The following SYT9 variants were observed in gnomAD, a reference collection of about 807,000 sequenced individuals.
SYT9 encodes the protein synaptotagmin 9.
Under a neutral mutation model 48.4 loss-of-function variants are expected in SYT9, and 22 were observed. That is an observed-to-expected ratio of 0.45 (90% CI 0.32 to 0.65). SYT9 has a LOEUF of 0.65. Among genes scored for constraint, SYT9 ranks in the 30% least tolerant of loss-of-function variants. The pLI is 0.03. For missense variants in SYT9, 577 were observed against 622.0 expected (o/e 0.93, Z 0.77); for synonymous variants, 265 against 245.0 (o/e 1.08, Z -0.76).
intron 3 of SYT9, among the ~76,000 whole-genome samples, chr11:7,344,061 G>T (rs931906330): frequency 6.6e-6 from 1 of 152,164 alleles, no homozygotes; most frequent in Non-Finnish European, 1.5e-5. Flanking sequence ...TTCAAGATGA[G>T]ATTTGGGTGG....
chr11:7,377,460 C>T (rs4758178), intron 3 of SYT9, among the ~76,000 whole-genome samples: 110,592 of 152,024 alleles, frequency 0.73, 40,978 homozygotes, highest in East Asian at 0.87. Context: ...TCTTCAATGC[C>T]TGTGCTTGGA....
intron 6 of SYT9, chr11:7,441,359 G>GTT (rs1432323690): frequency 4.6e-5 from 7 of 152,180 alleles, no homozygotes; most frequent in African/African-American, 1.7e-4. Context: ...ATGTTTCCTG[G>GTT]AAGTCTTCTT....
chr11:7,281,389 C>G (rs1181098634), intron 1 of SYT9, among the ~76,000 whole-genome samples: 1 of 152,234 alleles, frequency 6.6e-6, no homozygotes, highest in Admixed American at 6.5e-5. Flanking sequence ...AAAGGTACCC[C>G]TCTCATGTTG....
intron 1 of SYT9, among the ~76,000 whole-genome samples, chr11:7,261,786 C>G (rs559834922): frequency 1.3e-5 from 2 of 152,008 alleles, no homozygotes; most frequent in African/African-American, 4.8e-5. Flanking sequence ...AGATATTAGC[C>G]AAGGGTTAGT....
chr11:7,447,952 C>T (rs1847967846), intron 6 of SYT9, among the ~76,000 whole-genome samples: 1 of 152,176 alleles, frequency 6.6e-6, no homozygotes. Context: ...ATTAGGGATC[C>T]TTCATTGACA....
At chr11:7,340,994 T>C (rs1041025173) in intron 3 of SYT9, among the ~76,000 whole-genome samples, 4 of 152,326 alleles carry the variant, frequency 2.6e-5, no homozygotes, top group African/African-American at 9.6e-5. Flanking sequence ...CAGTGAAGGT[T>C]GTGAAACAGC....
intron 2 of SYT9, among the ~76,000 whole-genome samples, chr11:7,310,605 C>T (rs1397850662): frequency 6.6e-6 from 1 of 152,074 alleles, no homozygotes; most frequent in Non-Finnish European, 1.5e-5. Flanking sequence ...TGCCACCACG[C>T]CTGGCTACTT....
intron 3 of SYT9, among the ~76,000 whole-genome samples, chr11:7,350,649 C>T (rs1029348087): frequency 6.6e-6 from 1 of 152,176 alleles, no homozygotes; most frequent in Non-Finnish European, 1.5e-5. Flanking sequence ...AGAGCTCATT[C>T]TCTTTTCTTT....
intron 3 of SYT9, among the ~76,000 whole-genome samples, chr11:7,352,921 A>G (rs1175497598): frequency 6.6e-6 from 1 of 152,184 alleles, no homozygotes; most frequent in African/African-American, 2.4e-5. Context: ...TAGGACTTCT[A>G]TTTATATTTT....
At chr11:7,386,240 G>A (rs4035596) in intron 3 of SYT9, among the ~76,000 whole-genome samples, 105,070 of 151,904 alleles carry the variant, frequency 0.69, 36,820 homozygotes, top group Non-Finnish European at 0.75. Context: ...GGCATGGGCA[G>A]GGACTTCATG....
chr11:7,291,074 C>T (rs1481578079), intron 1 of SYT9, among the ~76,000 whole-genome samples: 1 of 152,114 alleles, frequency 6.6e-6, no homozygotes, highest in Non-Finnish European at 1.5e-5. Flanking sequence ...GGTGACTTAG[C>T]GGGAAGAAAG....
chr11:7,240,234 C>T (rs1847727259), intron 1 of SYT9, among the ~76,000 whole-genome samples: 1 of 152,172 alleles, frequency 6.6e-6, no homozygotes, highest in Non-Finnish European at 1.5e-5. Flanking sequence ...TCCCTACCCT[C>T]ATCTCACCCC....
chr11:7,449,398 G>C (rs188644335), intron 6 of SYT9, among the ~76,000 whole-genome samples: 203 of 151,536 alleles, frequency 1.3e-3, no homozygotes, highest in African/African-American at 4.7e-3. Flanking sequence ...GTGCATAGAT[G>C]CATGGAATGT....
intron 3 of SYT9, among the ~76,000 whole-genome samples, chr11:7,337,396 G>A (rs1413901893): frequency 6.6e-6 from 1 of 151,816 alleles, no homozygotes; most frequent in African/African-American, 2.4e-5. Context: ...GACTACCAAT[G>A]CTATGTTGAA....
intron 3 of SYT9, 62 bp from the exon 4 acceptor site, chr11:7,415,980 G>A: frequency 1.9e-6 from 3 of 1,608,468 alleles, no homozygotes; most frequent in Middle Eastern, 1.7e-4. Flanking sequence ...GCCTGAAGCT[G>A]AGCCTCTTGC....
chr11:7,429,008 A>G (rs1847517147), intron 6 of SYT9, among the ~76,000 whole-genome samples: 1 of 152,170 alleles, frequency 6.6e-6, no homozygotes, highest in African/African-American at 2.4e-5. Flanking sequence ...CTGTGTTGGA[A>G]TAGGTGGTTT....
At chr11:7,344,335 T>C (rs545979195) in intron 3 of SYT9, among the ~76,000 whole-genome samples, 2 of 152,166 alleles carry the variant, frequency 1.3e-5, no homozygotes, top group African/African-American at 2.4e-5. Context: ...GTGAATATTT[T>C]CTCCCAAGCT....
At chr11:7,333,733 C>T (rs983873821) in intron 3 of SYT9, among the ~76,000 whole-genome samples, 3 of 152,152 alleles carry the variant, frequency 2.0e-5, no homozygotes, top group Non-Finnish European at 4.4e-5. Flanking sequence ...ATTTGCAAGT[C>T]AGGAAGTGAG....
rs531843822 is a variant in SYT9 at position 7,385,295 on chromosome 11, G to T, written c.1045-30747G>T. Among the ~76,000 whole-genome samples, 212 of 151,874 alleles carry T rather than the reference G, an allele frequency of 1.4e-3. 1 individual carries two copies. The highest frequency in any genetic ancestry group is 2.5e-3 in the Non-Finnish European group (173 of 67,924). The stretch of plus-strand genomic sequence containing the variant: ...AAATAATTGCTTTCTGTAAATGTTT[G>T]TTGAATGAAGAATAGAGGAATGAAC... On this transcript the variant is annotated intron_variant, in intron 3 of 6. Coordinates refer to ENST00000318881, the MANE Select transcript of SYT9 (RefSeq NM_175733.4).
Sources: gnomAD v4.1 joint callset for allele counts (sites outside exome capture counted in the v4.1 genomes callset) on GRCh38, gnomAD v4.1.1 for gene constraint, MANE v1.5 for transcripts, NCBI Gene and HGNC (gene_info 2026-07-23, HGNC 2026-07-21) for gene names.